SPTLC2: variants seen among roughly 807,000 people sequenced by gnomAD.
SPTLC2 encodes the protein serine palmitoyltransferase 2.
In SPTLC2, 21 loss-of-function variants were observed where a neutral mutation model predicts 62.0. The observed-to-expected ratio is 0.34, with a 90% CI of 0.24 to 0.49. The LOEUF (loss-of-function observed/expected upper bound fraction) is 0.49, where lower values mean the gene tolerates loss of function less well. Among genes scored for constraint, SPTLC2 ranks in the 20% least tolerant of loss-of-function variants. The pLI is 0.99. For synonymous variants in SPTLC2, 261 were observed against 261.8 expected (o/e 1.00, Z 0.03); for missense variants, 511 against 713.0 (o/e 0.72, Z 3.23).
At chr14:77,575,847 T>C (rs1319030218) in intron 4 of SPTLC2, among the ~76,000 whole-genome samples, 1 of 132,542 alleles carries the variant, frequency 7.5e-6, no homozygotes, top group Non-Finnish European at 1.8e-5. Flanking sequence ...TCAGGTATCT[T>C]TGCATGCTTG....
At chr14:77,614,989 A>G (rs2079958540) in intron 1 of SPTLC2, among the ~76,000 whole-genome samples, 1 of 151,952 alleles carries the variant, frequency 6.6e-6, no homozygotes, top group Admixed American at 6.5e-5. Context: ...AACAAAAACA[A>G]AAACAAAAAA....
intron 6 of SPTLC2, among the ~76,000 whole-genome samples, chr14:77,561,370 G>A (rs911644878): frequency 6.6e-6 from 1 of 152,164 alleles, no homozygotes; most frequent in Non-Finnish European, 1.5e-5. Context: ...AGCACTTTGG[G>A]AGGCCAAGGC....
chr14:77,553,458 G>A (rs1002051037), intron 8 of SPTLC2, among the ~76,000 whole-genome samples: 5 of 152,112 alleles, frequency 3.3e-5, no homozygotes, highest in African/African-American at 9.7e-5. Flanking sequence ...CTGGCCAGGT[G>A]CAGTGGCTCA....
chr14:77,517,230 C>A (rs184994769), intron 11 of SPTLC2, among the ~76,000 whole-genome samples: 3 of 151,594 alleles, frequency 2.0e-5, no homozygotes, highest in Admixed American at 2.0e-4. Flanking sequence ...GCAACAAGGG[C>A]AAAACTCTCT....
At position 77,509,583 on chromosome 14, in the gene SPTLC2, G is replaced by A. The variant is rs761530333; in HGVS notation, c.*2701C>T. Reference sequence around the variant, plus strand: ...TCCTATCAGAGTCTTGAATCAGGCCGTGTTAAACTGTGTAAGAAACTACTC... The same window carrying A: ...TCCTATCAGAGTCTTGAATCAGGCCATGTTAAACTGTGTAAGAAACTACTC... On this transcript the variant is annotated 3_prime_UTR_variant, in exon 12 of 12. Coordinates refer to ENST00000216484, the MANE Select transcript of SPTLC2 (RefSeq NM_004863.4). 4 of 272,028 alleles carry A rather than the reference G, an allele frequency of 1.5e-5. No homozygotes were observed. Among genetic ancestry groups the A allele is most frequent in the Non-Finnish European group, 6.8e-6 (1 of 146,610 alleles). The allele number at this position is 272,028 out of a possible 1,614,324, so 16.9% of individuals were successfully genotyped here. A position where few individuals can be genotyped will look rare whatever the true frequency, so the allele number is the denominator to read the frequency against.
chr14:77,567,780 A>G (rs529216668), intron 5 of SPTLC2, among the ~76,000 whole-genome samples: 9 of 149,992 alleles, frequency 6.0e-5, no homozygotes, highest in Non-Finnish European at 1.2e-4. Context: ...CCTTCTGCTT[A>G]GTTTGGGTTT....
chr14:77,570,252 T>C lies in SPTLC2; in HGVS notation c.756+132A>G, dbSNP rs2079673341. ...AAAAAAAAAAAAAAGAAAAACAATT[T>C]GTGGTAGAAATATCTTTGGCTAAAC... On this transcript the variant is annotated intron_variant, in intron 5 of 11. Transcript: ENST00000216484. 6 of 1,226,240 alleles carry C rather than the reference T, an allele frequency of 4.9e-6. No homozygotes were observed. The Admixed American group carries it at 6.7e-5, about 14-fold the overall frequency. 76.0% of individuals were successfully genotyped at this position (1,226,240 alleles called of 1,614,324 possible). A position where few individuals can be genotyped will look rare whatever the true frequency, so the allele number is the denominator to read the frequency against.
At chr14:77,592,691 G>A (rs930074874) in intron 2 of SPTLC2, among the ~76,000 whole-genome samples, 1 of 152,064 alleles carries the variant, frequency 6.6e-6, no homozygotes, top group Non-Finnish European at 1.5e-5. Flanking sequence ...AGATTATTTT[G>A]TCACCCAGGT....
chr14:77,597,225 A>G lies in SPTLC2; in HGVS notation c.288T>C (p.Ile96=), dbSNP rs779691307. 6.2e-7 allele frequency: 1 copy of G among 1,614,164 alleles called. No individual in the cohort carries two copies. Among genetic ancestry groups the G allele is most frequent in the Non-Finnish European group, 8.5e-7 (1 of 1,180,030 alleles). The part of the protein sequence containing the change: ...YLRDFLRYWR[I]EKCHHATERE... Reference sequence around the variant, plus strand: ...TTTCTGTTGCATGGTGACACTTTTCAATTCTCCAATACCTCAAGAAATCTC... The same window carrying G: ...TTTCTGTTGCATGGTGACACTTTTCGATTCTCCAATACCTCAAGAAATCTC... The change falls in exon 2 of 12, where the codon ATT becomes ATC. Residue 96 remains isoleucine, a synonymous_variant. Transcript: ENST00000216484.
chr14:77,541,800 T>C (rs2079502138), intron 9 of SPTLC2, among the ~76,000 whole-genome samples: 1 of 152,184 alleles, frequency 6.6e-6, no homozygotes, highest in African/African-American at 2.4e-5. Context: ...CTCAAGACTG[T>C]AATCCCAGTG....
intron 1 of SPTLC2, among the ~76,000 whole-genome samples, chr14:77,611,510 A>G (rs2079937453): frequency 6.6e-6 from 1 of 151,268 alleles, no homozygotes; most frequent in African/African-American, 2.4e-5. Context: ...TAGCAGATGG[A>G]TTTACAATAG....
At chr14:77,563,374 G>A (rs2079625338) in intron 5 of SPTLC2, among the ~76,000 whole-genome samples, 1 of 152,118 alleles carries the variant, frequency 6.6e-6, no homozygotes, top group African/African-American at 2.4e-5. Context: ...AGTTGGCCCT[G>A]TGGGACCTGC....
chr14:77,561,896 TTCTAAATAA>T (rs2079616953), intron 6 of SPTLC2, among the ~76,000 whole-genome samples: 2 of 152,226 alleles, frequency 1.3e-5, no homozygotes, highest in Non-Finnish European at 2.9e-5. Flanking sequence ...CGCATTTTTA[TTCTAAATAA>T]TCATTTTAAT....
At chr14:77,599,005 C>G (rs2079863381) in intron 1 of SPTLC2, among the ~76,000 whole-genome samples, 1 of 151,880 alleles carries the variant, frequency 6.6e-6, no homozygotes, top group South Asian at 2.1e-4. Flanking sequence ...TTGTTAGTAA[C>G]TGACATGAAT....
At chr14:77,521,863 T>C (rs1221357295) in intron 9 of SPTLC2, among the ~76,000 whole-genome samples, 1 of 152,194 alleles carries the variant, frequency 6.6e-6, no homozygotes, top group East Asian at 1.9e-4. Context: ...ACCCCCTCAC[T>C]GAGCACTCCA....
intron 2 of SPTLC2, among the ~76,000 whole-genome samples, chr14:77,580,649 G>C (rs1483380266): frequency 2.6e-5 from 4 of 151,538 alleles, no homozygotes; most frequent in Non-Finnish European, 5.9e-5. Flanking sequence ...CTTGTGGCCA[G>C]GAATCTGAAG....
rs923243773 is a variant in SPTLC2, at chr14:77,512,225, C to G, written c.*59G>C. 14 of 1,611,614 alleles carry G rather than the reference C, an allele frequency of 8.7e-6. No individual in the cohort carries two copies. The highest frequency in any genetic ancestry group is 1.2e-5 in the Non-Finnish European group (14 of 1,179,542). On this transcript the variant is annotated 3_prime_UTR_variant, in exon 12 of 12. Transcript: ENST00000216484. ...AAGTGTGGTTCCTGGAACTGGCTCACAAAGGCCACAGGCTGTCCTGGGTGA... is the reference window on the plus strand; with the variant it reads ...AAGTGTGGTTCCTGGAACTGGCTCAGAAAGGCCACAGGCTGTCCTGGGTGA...
At position 77,576,806 on chromosome 14, in the gene SPTLC2, C is replaced by G; in HGVS notation, c.592G>C (p.Glu198Gln). 2 of 1,614,232 alleles carry G rather than the reference C, an allele frequency of 1.2e-6. No individual in the cohort carries two copies. The highest frequency in any genetic ancestry group is 2.2e-5 in the South Asian group (2 of 91,086). The stretch of plus-strand genomic sequence containing the variant: ...GTACTGCACACTCCAGCTCCATACT[C>G]CTCAAGGACTTTGGCGGCTGCTTCT... ...CQEAAAKVLEEYGAGVCSTRQ... is the reference protein window; with the variant it reads ...CQEAAAKVLEQYGAGVCSTRQ... Residue 198 changes from glutamate (E) to glutamine (Q), a missense_variant, in exon 4 of 12, where the codon GAG becomes CAG. Physicochemically the swap from Glu to Gln is conservative, Grantham distance 29 (BLOSUM62 2). Transcript: ENST00000216484.
intron 1 of SPTLC2, among the ~76,000 whole-genome samples, chr14:77,610,194 G>A (rs999224007): frequency 1.3e-5 from 2 of 152,130 alleles, no homozygotes; most frequent in Non-Finnish European, 2.9e-5. Flanking sequence ...AAGCTGAAGT[G>A]CAGTGGCACC....
Sources: allele counts gnomAD v4.1 joint callset (sites outside exome capture counted in the v4.1 genomes callset), GRCh38; gene constraint gnomAD v4.1.1; transcripts MANE v1.5; gene names NCBI Gene and HGNC (gene_info 2026-07-23, HGNC 2026-07-21).